KCNMB2: variants seen among roughly 807,000 people sequenced by gnomAD.
The protein encoded by KCNMB2 is potassium calcium-activated channel subfamily M regulatory beta subunit 2.
KCNMB2 carries 9 observed loss-of-function variants against 24.5 expected under a neutral mutation model. The ratio of observed to expected loss-of-function variants is 0.37; its 90% CI spans 0.22 to 0.64. KCNMB2 has a LOEUF of 0.64. Among genes scored for constraint, KCNMB2 ranks in the 30% least tolerant of loss-of-function variants. The pLI, the probability that KCNMB2 is intolerant of heterozygous loss-of-function variation, is 0.63. For missense variants in KCNMB2, 226 were observed against 284.3 expected (o/e 0.79, Z 1.47); for synonymous variants, 109 against 104.4 (o/e 1.04, Z -0.27).
intron 1 of KCNMB2, among the ~76,000 whole-genome samples, chr3:178,762,175 A>C (rs1171455086): frequency 1.3e-5 from 2 of 152,206 alleles, no homozygotes; most frequent in East Asian, 3.8e-4. Context: ...CGTCTCAAAA[A>C]AAAACCAAAA....
At chr3:178,758,387 CAT>C (rs1192586547) in intron 1 of KCNMB2, among the ~76,000 whole-genome samples, 1,801 of 3,228 alleles carry the variant, frequency 0.56, 519 homozygotes, top group East Asian at 0.67. Context: ...AGAGGGGATA[CAT>C]ATATATATAT....
rs1264251464 is a variant in KCNMB2 at position 178,537,602 on chromosome 3, A to C, written c.-68+891A>C. Among the ~76,000 whole-genome samples the C allele has an allele frequency of 6.6e-5, 10 of 152,346 alleles. No individual in the cohort carries two copies. In the East Asian group the frequency reaches 1.9e-3, roughly 29 times the overall value. ...TTTGTACTTTATATGGGATCGGTAT[A>C]GCACAATCAGAAAAGGAAATGTCAG... On this transcript the variant is annotated intron_variant, in intron 1 of 4. Transcript: ENST00000452583.
At chr3:178,754,421 A>C (rs1330022303) in intron 1 of KCNMB2, among the ~76,000 whole-genome samples, 1 of 152,074 alleles carries the variant, frequency 6.6e-6, no homozygotes, top group Non-Finnish European at 1.5e-5. Flanking sequence ...CTACCACTGA[A>C]GTACTTAGAA....
In KCNMB2 at chr3:178,706,765, G is replaced by C. The variant is rs572634584; in HGVS notation, c.-67-100578G>C. Reference sequence around the variant, plus strand: ...CAGTTTTTTGCAAGTGCGCATTATAGTCCACACCAATGTTTCTGTGCCTTC... The same window carrying C: ...CAGTTTTTTGCAAGTGCGCATTATACTCCACACCAATGTTTCTGTGCCTTC... On this transcript the variant is annotated intron_variant, in intron 1 of 4. Coordinates refer to ENST00000452583, the MANE Select transcript of KCNMB2 (RefSeq NM_181361.3). Among the ~76,000 whole-genome samples the C allele has an allele frequency of 2.6e-5, 4 of 152,184 alleles. No homozygotes were observed. The South Asian group carries it at 8.3e-4, about 32-fold the overall frequency.
At chr3:178,552,063 G>A (rs976284869) in intron 1 of KCNMB2, among the ~76,000 whole-genome samples, 16 of 152,158 alleles carry the variant, frequency 1.1e-4, no homozygotes, top group African/African-American at 2.9e-4. Context: ...ACACACAAAC[G>A]TCTGGGGCAG....
At chr3:178,627,299 A>C (rs758236338) in intron 1 of KCNMB2, among the ~76,000 whole-genome samples, 1 of 152,318 alleles carries the variant, frequency 6.6e-6, no homozygotes, top group South Asian at 2.1e-4. Flanking sequence ...AGACTAATTT[A>C]TACTGTTATT....
intron 1 of KCNMB2, among the ~76,000 whole-genome samples, chr3:178,726,563 G>A (rs1345220532): frequency 1.6e-5 from 2 of 122,712 alleles, no homozygotes; most frequent in Non-Finnish European, 3.5e-5. Flanking sequence ...TTGAATTTTG[G>A]TTGACAGGTT....
chr3:178,816,532 A>C (rs934799752), intron 2 of KCNMB2, among the ~76,000 whole-genome samples: 6 of 151,900 alleles, frequency 3.9e-5, no homozygotes, highest in African/African-American at 1.4e-4. Flanking sequence ...ATATTCTGTT[A>C]ATCTTTTCCT....
intron 1 of KCNMB2, among the ~76,000 whole-genome samples, chr3:178,731,796 G>A (rs1368845896): frequency 6.6e-5 from 10 of 152,154 alleles, no homozygotes; most frequent in African/African-American, 2.2e-4. Flanking sequence ...CCAGCTACTC[G>A]GGAGGCTAAG....
At chr3:178,799,618 A>T (rs775694448) in intron 1 of KCNMB2, among the ~76,000 whole-genome samples, 10 of 152,180 alleles carry the variant, frequency 6.6e-5, no homozygotes, top group Non-Finnish European at 1.5e-4. Context: ...CAATCTACAG[A>T]TTCAATGCAA....
At chr3:178,829,681 T>C (rs913115874) in intron 4 of KCNMB2, among the ~76,000 whole-genome samples, 1 of 152,168 alleles carries the variant, frequency 6.6e-6, no homozygotes, top group Non-Finnish European at 1.5e-5. Flanking sequence ...CCTATAAAAC[T>C]CTTAAACCTG....
At chr3:178,781,868 C>A (rs1324765222) in intron 1 of KCNMB2, among the ~76,000 whole-genome samples, 1 of 148,636 alleles carries the variant, frequency 6.7e-6, no homozygotes, top group East Asian at 2.0e-4. Context: ...TATACATGTG[C>A]CATGCTGGTG....
chr3:178,629,031 C>A (rs78927151), intron 1 of KCNMB2, among the ~76,000 whole-genome samples: 1 of 151,992 alleles, frequency 6.6e-6, no homozygotes, highest in African/African-American at 2.4e-5. Context: ...ATTTAATGTA[C>A]GGAATTAATA....
intron 1 of KCNMB2, among the ~76,000 whole-genome samples, chr3:178,575,852 C>T (rs1311980006): frequency 6.6e-6 from 1 of 152,170 alleles, no homozygotes; most frequent in Non-Finnish European, 1.5e-5. Flanking sequence ...GTTGGTAACA[C>T]TGTGAACACT....
chr3:178,712,394 G>T (rs888343565), intron 1 of KCNMB2, among the ~76,000 whole-genome samples: 2 of 152,184 alleles, frequency 1.3e-5, no homozygotes, highest in African/African-American at 4.8e-5. Context: ...ATGTGAATAA[G>T]TGTGGGGTTA....
intron 1 of KCNMB2, among the ~76,000 whole-genome samples, chr3:178,549,995 C>G (rs556104998): frequency 1.3e-5 from 2 of 151,984 alleles, no homozygotes; most frequent in African/African-American, 4.8e-5. Context: ...ACCTCTTGAC[C>G]AGTTAACTTA....
At chr3:178,822,256 CTT>C (rs1365084371) in intron 2 of KCNMB2, among the ~76,000 whole-genome samples, 1 of 152,202 alleles carries the variant, frequency 6.6e-6, no homozygotes, top group Non-Finnish European at 1.5e-5. Context: ...ACCTTTGACT[CTT>C]TGTCTCATTT....
At chr3:178,827,461 G>A (rs9882743) in intron 3 of KCNMB2, among the ~76,000 whole-genome samples, 32,989 of 152,126 alleles carry the variant, frequency 0.22, 3,879 homozygotes, top group Middle Eastern at 0.29. Context: ...CATATGTCAT[G>A]GGATTTCTCA....
At chr3:178,691,733 T>C (rs1721686054) in intron 1 of KCNMB2, among the ~76,000 whole-genome samples, 1 of 152,216 alleles carries the variant, frequency 6.6e-6, no homozygotes. Flanking sequence ...TGCATGTGTC[T>C]TTATAATAGA....
Sources: gnomAD v4.1 joint callset for allele counts (sites outside exome capture counted in the v4.1 genomes callset) on GRCh38, gnomAD v4.1.1 for gene constraint, MANE v1.5 for transcripts, NCBI Gene and HGNC (gene_info 2026-07-23, HGNC 2026-07-21) for gene names.